PRKD1: variants seen among roughly 807,000 people sequenced by gnomAD.
PRKD1 encodes protein kinase D1, also known as serine/threonine-protein kinase D1.
Under a neutral mutation model 95.9 loss-of-function variants are expected in PRKD1, and 63 were observed. That is an observed-to-expected ratio of 0.66 (90% CI 0.54 to 0.81). The LOEUF (loss-of-function observed/expected upper bound fraction) is 0.81. PRKD1 is among the 30% of genes least tolerant of loss of function. The pLI is 0.00. For missense variants in PRKD1, 1,048 were observed against 1,165.3 expected (o/e 0.90, Z 1.47); for synonymous variants, 425 against 423.1 (o/e 1.00, Z -0.05).
intron 1 of PRKD1, among the ~76,000 whole-genome samples, chr14:29,883,848 T>C (rs1893602544): frequency 1.3e-5 from 2 of 152,164 alleles, no homozygotes; most frequent in African/African-American, 4.8e-5. Context: ...GCAATCTGTC[T>C]TTACTTGCTG....
At chr14:29,918,474 C>T (rs146906517) in intron 1 of PRKD1, among the ~76,000 whole-genome samples, 1 of 152,306 alleles carries the variant, frequency 6.6e-6, no homozygotes, top group Non-Finnish European at 1.5e-5. Context: ...TCAGATGGTG[C>T]TAACCATTAG....
intron 13 of PRKD1, among the ~76,000 whole-genome samples, chr14:29,616,315 CAA>C (rs1015114969): frequency 1.5e-5 from 2 of 133,866 alleles, no homozygotes; most frequent in African/African-American, 5.7e-5. Flanking sequence ...AAACCAATGA[CAA>C]GAGGGAAATT....
At chr14:29,925,182 C>G (rs1895254119) in intron 1 of PRKD1, among the ~76,000 whole-genome samples, 1 of 152,046 alleles carries the variant, frequency 6.6e-6, no homozygotes, top group African/African-American at 2.4e-5. Flanking sequence ...CCTTATAAAT[C>G]AGTCACCAAT....
chr14:29,893,198 A>T (rs951621697), intron 1 of PRKD1, among the ~76,000 whole-genome samples: 1 of 152,272 alleles, frequency 6.6e-6, no homozygotes, highest in Non-Finnish European at 1.5e-5. Context: ...GATGGTAGAA[A>T]GGTAAAATTT....
In PRKD1 at chr14:29,585,744, A is replaced by G. The variant is rs572983466; in HGVS notation, c.2435-7384T>C. Among the ~76,000 whole-genome samples, 23 of 152,284 alleles carry G rather than the reference A, an allele frequency of 1.5e-4. No individual in the cohort carries two copies. The East Asian group carries it at 3.7e-3, about 24-fold the overall frequency. On this transcript the variant is annotated intron_variant, in intron 16 of 17. Coordinates refer to ENST00000331968, the MANE Select transcript of PRKD1 (RefSeq NM_002742.3). ...TTTAGAAAATCAGAATGATGCTGAG[A>G]GTAACTGCCATGCAGATTATGTTTA... is the stretch of plus-strand genomic sequence containing the variant.
In PRKD1 at chr14:29,637,601, T is replaced by C. The variant is rs7146954; in HGVS notation, c.985+888A>G. On this transcript the variant is annotated intron_variant, in intron 6 of 17. Coordinates refer to ENST00000331968, the MANE Select transcript of PRKD1 (RefSeq NM_002742.3). Reference sequence around the variant, plus strand: ...GAGCCTGAACAAAGTCAACACCACATGCCACAGAAAGTGGGACGATCGCCA... The same window carrying C: ...GAGCCTGAACAAAGTCAACACCACACGCCACAGAAAGTGGGACGATCGCCA... Among the ~76,000 whole-genome samples the C allele has an allele frequency of 5.1e-3, 772 of 152,282 alleles. 7 individuals carry two copies. Among genetic ancestry groups the C allele is most frequent in the African/African-American group, 0.017 (703 of 41,554 alleles).
chr14:29,786,687 T>A (rs1889288949), intron 1 of PRKD1, among the ~76,000 whole-genome samples: 1 of 152,126 alleles, frequency 6.6e-6, no homozygotes, highest in Non-Finnish European at 1.5e-5. Context: ...GCTGTAATGT[T>A]CCTTTTTTGT....
At chr14:29,810,615 T>C (rs537797987) in intron 1 of PRKD1, among the ~76,000 whole-genome samples, 2 of 152,380 alleles carry the variant, frequency 1.3e-5, no homozygotes, top group Admixed American at 6.5e-5. Flanking sequence ...TCAATAGATA[T>C]GTATACACAT....
At chr14:29,703,779 C>A (rs1041052050) in intron 2 of PRKD1, among the ~76,000 whole-genome samples, 3 of 152,238 alleles carry the variant, frequency 2.0e-5, no homozygotes, top group Non-Finnish European at 4.4e-5. Flanking sequence ...AGGGAATAAA[C>A]ATCTCTAGGG....
At chr14:29,602,229 GC>G (rs1465910132) in intron 13 of PRKD1, among the ~76,000 whole-genome samples, 2 of 152,046 alleles carry the variant, frequency 1.3e-5, no homozygotes, top group African/African-American at 4.8e-5. Context: ...CAAGAGATAA[GC>G]GTTAAGGGAG....
chr14:29,899,900 T>A (rs922175307), intron 1 of PRKD1, among the ~76,000 whole-genome samples: 1 of 152,010 alleles, frequency 6.6e-6, no homozygotes, highest in African/African-American at 2.4e-5. Context: ...ATGGGGGCGG[T>A]TTCCTCCATG....
intron 1 of PRKD1, among the ~76,000 whole-genome samples, chr14:29,842,809 C>G (rs941711751): frequency 7.9e-5 from 12 of 152,110 alleles, no homozygotes; most frequent in Admixed American, 5.9e-4. Context: ...TCCTTTGAAC[C>G]GCTTTTTCTG....
chr14:29,581,401 T>C (rs1892750922), intron 16 of PRKD1, among the ~76,000 whole-genome samples: 1 of 152,158 alleles, frequency 6.6e-6, no homozygotes. Flanking sequence ...CATATTCTTA[T>C]TTAGTCCTTA....
In PRKD1 at chr14:29,781,792, C is replaced by T. The variant is rs1889058297; in HGVS notation, c.265-56118G>A. Among the ~76,000 whole-genome samples, 3 of 152,156 alleles carry T rather than the reference C, an allele frequency of 2.0e-5. No individual in the cohort carries two copies. In the South Asian group the frequency reaches 6.2e-4, roughly 31 times the overall value. ...TAACATACCATAGAACACACCTTTACTAAAGTAACTTGACAAGAGAAAAAA... is the reference window on the plus strand; with the variant it reads ...TAACATACCATAGAACACACCTTTATTAAAGTAACTTGACAAGAGAAAAAA... On this transcript the variant is annotated intron_variant, in intron 1 of 17. Transcript: ENST00000331968.
intron 2 of PRKD1, among the ~76,000 whole-genome samples, chr14:29,696,591 G>A (rs1884530339): frequency 6.6e-6 from 1 of 152,076 alleles, no homozygotes; most frequent in Non-Finnish European, 1.5e-5. Context: ...AAAAACCACT[G>A]ATTTGTAAAT....
intron 13 of PRKD1, among the ~76,000 whole-genome samples, chr14:29,613,618 T>G (rs1354722021): frequency 6.6e-6 from 1 of 152,234 alleles, no homozygotes; most frequent in Non-Finnish European, 1.5e-5. Flanking sequence ...AAATTTTTCT[T>G]GCCTTTAAAC....
chr14:29,597,401 A>G lies in PRKD1; in HGVS notation c.2434+90T>C, dbSNP rs1425214800. 2.3e-6 allele frequency: 3 copies of G among 1,290,716 alleles called. No individual in the cohort carries two copies. The African/African-American group carries it at 4.5e-5, about 19-fold the overall frequency. The allele number at this position is 1,290,716 out of a possible 1,614,324, so 80.0% of individuals were successfully genotyped here. On this transcript the variant is annotated intron_variant, in intron 16 of 17. Coordinates refer to ENST00000331968, the MANE Select transcript of PRKD1 (RefSeq NM_002742.3). The stretch of plus-strand genomic sequence containing the variant: ...GGGCACTTTACAATGAGCATGTATT[A>G]AGTTAATAATTTACAATTAAATTAA...
intron 1 of PRKD1, among the ~76,000 whole-genome samples, chr14:29,805,478 T>C (rs935088099): frequency 6.6e-6 from 1 of 152,232 alleles, no homozygotes; most frequent in African/African-American, 2.4e-5. Context: ...AGAATGCTAA[T>C]AGAAGGCTGA....
chr14:29,626,624 T>TATTTAATAG, intron 11 of PRKD1, 68 bp from the exon 12 acceptor site: 8 of 874,020 alleles, frequency 9.2e-6, no homozygotes, highest in South Asian at 2.6e-5. Flanking sequence ...AAAATTAATA[T>TATTTAATAG]AATTCTATTA....
Sources: allele counts gnomAD v4.1 joint callset (sites outside exome capture counted in the v4.1 genomes callset), GRCh38; gene constraint gnomAD v4.1.1; transcripts MANE v1.5; gene names NCBI Gene and HGNC (gene_info 2026-07-23, HGNC 2026-07-21).